MREG: variants seen among roughly 807,000 people sequenced by gnomAD.
MREG encodes the protein dilute suppressor protein homolog.
MREG carries 31 observed loss-of-function variants against 28.5 expected under a neutral mutation model. That is an observed-to-expected ratio of 1.09 (90% CI 0.82 to 1.47). The LOEUF (loss-of-function observed/expected upper bound fraction) is 1.47, where lower values mean the gene tolerates loss of function less well. Ranked by LOEUF, MREG falls within the 40% of genes most tolerant of loss-of-function variation. The pLI, the probability that MREG is intolerant of heterozygous loss-of-function variation, is 0.00. For missense variants in MREG, 256 were observed against 257.4 expected (o/e 0.99, Z 0.04); for synonymous variants, 106 against 95.2 (o/e 1.11, Z -0.66).
chr2:215,956,434 G>A (rs550345766), intron 2 of MREG, among the ~76,000 whole-genome samples: 1 of 152,102 alleles, frequency 6.6e-6, no homozygotes, highest in African/African-American at 2.4e-5. Flanking sequence ...AATCCTTTTT[G>A]GGTTTTGTCA....
chr2:215,975,413 T>A (rs1013715186), intron 2 of MREG, among the ~76,000 whole-genome samples: 2 of 152,190 alleles, frequency 1.3e-5, no homozygotes, highest in Non-Finnish European at 2.9e-5. Flanking sequence ...TAGGCTAGAT[T>A]GACAGCAAAA....
intron 1 of MREG, among the ~76,000 whole-genome samples, chr2:216,026,085 T>C (rs1178942048): frequency 6.6e-6 from 1 of 152,122 alleles, no homozygotes; most frequent in Non-Finnish European, 1.5e-5. Flanking sequence ...AAAAACATTA[T>C]GATAAGTGAA....
intron 1 of MREG, among the ~76,000 whole-genome samples, chr2:216,007,419 ATTTATTTAT>A (rs1228622461): frequency 2.0e-5 from 3 of 148,832 alleles, no homozygotes; most frequent in African/African-American, 7.6e-5. Flanking sequence ...TTATTTATTT[ATTTATTTAT>A]TTATTTATTT....
intron 2 of MREG, among the ~76,000 whole-genome samples, chr2:215,951,006 TCTG>T (rs1692467654): frequency 1.3e-5 from 2 of 152,072 alleles, no homozygotes; most frequent in Admixed American, 1.3e-4. Flanking sequence ...TCTCTCTCTC[TCTG>T]TCTCTTTCTC....
chr2:216,009,412 A>T (rs959555133), intron 1 of MREG, among the ~76,000 whole-genome samples: 5 of 152,100 alleles, frequency 3.3e-5, no homozygotes, highest in Non-Finnish European at 7.4e-5. Context: ...GCACTGAAAA[A>T]GTTCAAAGCA....
At chr2:215,968,419 G>C (rs796722612) in intron 2 of MREG, among the ~76,000 whole-genome samples, 3 of 152,312 alleles carry the variant, frequency 2.0e-5, no homozygotes, top group African/African-American at 7.2e-5. Flanking sequence ...ACACATGAAA[G>C]AAAGGTGCCT....
At chr2:215,954,848 C>A (rs936529638) in intron 2 of MREG, among the ~76,000 whole-genome samples, 26 of 152,220 alleles carry the variant, frequency 1.7e-4, no homozygotes, top group African/African-American at 6.3e-4. Context: ...GGATTACAGG[C>A]ACGCACCACA....
chr2:215,960,913 G>A (rs1008550460), intron 2 of MREG, among the ~76,000 whole-genome samples: 4 of 152,136 alleles, frequency 2.6e-5, no homozygotes, highest in South Asian at 4.1e-4. Flanking sequence ...ACCCTCTTCC[G>A]GCACTACAAA....
chr2:215,961,165 T>G (rs1285709208), intron 2 of MREG, among the ~76,000 whole-genome samples: 1 of 152,246 alleles, frequency 6.6e-6, no homozygotes, highest in Non-Finnish European at 1.5e-5. Context: ...CCCAGCGGTC[T>G]GGCACCTTCA....
Position 215,996,395 on chromosome 2 carries a change from G to A in MREG, c.166C>T (p.Pro56Ser). 3.1e-6 allele frequency: 5 copies of A among 1,613,684 alleles called. No individual in the cohort carries two copies. The highest frequency in any genetic ancestry group is 4.2e-6 in the Non-Finnish European group (5 of 1,179,616). Residue 56 changes from proline (P) to serine (S), a missense_variant, in exon 2 of 5, where the codon CCC (proline) becomes TCC (serine). By Grantham distance (74) the Pro-to-Ser change is moderately conservative. Coordinates refer to ENST00000263268, the MANE Select transcript of MREG (RefSeq NM_018000.3). ...GCCTCTGTGTGGGACACATCATGGG[G>A]CATACTCCATAAATTCTTCTCATCA... The part of the protein sequence containing the change: ...RDDEKNLWSM[P>S]HDVSHTEADD...
intron 2 of MREG, among the ~76,000 whole-genome samples, chr2:215,991,737 C>G (rs1161996334): frequency 6.6e-6 from 1 of 152,120 alleles, no homozygotes; most frequent in Non-Finnish European, 1.5e-5. Flanking sequence ...CACAGAAATA[C>G]AAACTACCCG....
At chr2:216,007,299 C>T (rs952941192) in intron 1 of MREG, among the ~76,000 whole-genome samples, 53 of 152,296 alleles carry the variant, frequency 3.5e-4, no homozygotes, top group African/African-American at 1.2e-3. Flanking sequence ...TTTAGAGTTG[C>T]CTGAGACGCA....
At chr2:215,975,264 T>C (rs1426625871) in intron 2 of MREG, among the ~76,000 whole-genome samples, 2 of 152,122 alleles carry the variant, frequency 1.3e-5, no homozygotes, top group African/African-American at 4.8e-5. Flanking sequence ...TCATTATTTT[T>C]CAAGGTATAT....
upstream of MREG, among the ~76,000 whole-genome samples, chr2:216,014,727 A>T (rs529454874): frequency 6.6e-6 from 1 of 152,288 alleles, no homozygotes; most frequent in Admixed American, 6.5e-5. Context: ...GTCATTGGTC[A>T]GGTGCCTTTT....
chr2:216,005,109 C>A (rs899468429), intron 1 of MREG, among the ~76,000 whole-genome samples: 1 of 151,942 alleles, frequency 6.6e-6, no homozygotes, highest in African/African-American at 2.4e-5. Context: ...TACTTAATAG[C>A]CCAAAACTGG....
intron 1 of MREG, among the ~76,000 whole-genome samples, chr2:216,003,740 ACCCTT>A (rs1008651515): frequency 6.6e-6 from 1 of 152,044 alleles, no homozygotes; most frequent in African/African-American, 2.4e-5. Flanking sequence ...TCAGGCCAAG[ACCCTT>A]GACGGCATCC....
downstream of MREG, among the ~76,000 whole-genome samples, chr2:215,942,258 AAT>A (rs749162564): frequency 1.9e-4 from 29 of 152,074 alleles, no homozygotes; most frequent in Non-Finnish European, 3.7e-4. Context: ...CTAAAGTAAG[AAT>A]ATAAAAAAAA....
At chr2:215,979,690 ATAGTT>A (rs1693367069) in intron 2 of MREG, among the ~76,000 whole-genome samples, 1 of 151,730 alleles carries the variant, frequency 6.6e-6, no homozygotes, top group South Asian at 2.1e-4. Flanking sequence ...TTTAAAATAA[ATAGTT>A]TATTTATCTC....
intron 1 of MREG, among the ~76,000 whole-genome samples, chr2:216,031,280 G>A (rs573632052): frequency 3.3e-5 from 5 of 151,900 alleles, no homozygotes; most frequent in African/African-American, 7.3e-5. Flanking sequence ...GGTGGTGGGC[G>A]CCTGTAAACC....
Sources: gnomAD v4.1 joint callset for allele counts (sites outside exome capture counted in the v4.1 genomes callset) on GRCh38, gnomAD v4.1.1 for gene constraint, MANE v1.5 for transcripts, NCBI Gene and HGNC (gene_info 2026-07-23, HGNC 2026-07-21) for gene names.